Variants in NIT2 observed in about 807,000 individuals in gnomAD.
The protein encoded by NIT2 is omega-amidase NIT2.
A neutral mutation model predicts 42.7 loss-of-function variants in NIT2; 46 were observed. That is an observed-to-expected ratio of 1.08 (90% CI 0.85 to 1.38). The LOEUF (loss-of-function observed/expected upper bound fraction) is 1.38, where lower values mean the gene tolerates loss of function less well. Ranked by LOEUF, NIT2 falls within the 40% of genes most tolerant of loss-of-function variation. The pLI, the probability that NIT2 is intolerant of heterozygous loss-of-function variation, is 0.00. For synonymous variants in NIT2, 123 were observed against 121.9 expected (o/e 1.01, Z -0.06); for missense variants, 309 against 342.5 (o/e 0.90, Z 0.77).
intron 4 of NIT2, among the ~76,000 whole-genome samples, chr3:100,342,121 C>T (rs1706163038): frequency 1.3e-5 from 2 of 151,924 alleles, no homozygotes; most frequent in African/African-American, 4.8e-5. Context: ...TGAAATATCT[C>T]TTTTTTTTCT....
At chr3:100,335,802 A>T (rs277629) in intron 1 of NIT2, among the ~76,000 whole-genome samples, 22,023 of 152,174 alleles carry the variant, frequency 0.14, 2,941 homozygotes, top group East Asian at 0.5. Context: ...TCACGAGTCA[A>T]GAGTTGGAGA....
Position 100,339,174 on chromosome 3 carries a change from C to T in NIT2, c.95C>T (p.Ala32Val), listed in dbSNP as rs377458095. Reference protein sequence around the residue: ...TRACSFIREAATQGAKIVSLP... With the variant: ...TRACSFIREAVTQGAKIVSLP... ...GCTTGTAGCTTCATCCGGGAGGCAG[C>T]AACGCAAGGAGCCAAAATAGTTTCT... The change falls in exon 2 of 10, where the codon GCA (alanine) becomes GTA (valine). Residue 32 changes from alanine to valine, a missense_variant. Transcript: ENST00000394140. 3 of 1,613,564 alleles carry T rather than the reference C, an allele frequency of 1.9e-6. No individual in the cohort carries two copies. The highest frequency in any genetic ancestry group is 2.7e-5 in the African/African-American group (2 of 74,898).
At position 100,359,482 on chromosome 3, in the gene NIT2, C is replaced by T. The variant is rs191783847; in HGVS notation, c.*4214C>T. The T allele has an allele frequency of 1.3e-5, 2 of 152,288 alleles. No individual in the cohort carries two copies. The highest frequency in any genetic ancestry group is 6.5e-5 in the Admixed American group (1 of 15,288). 9.4% of individuals were successfully genotyped at this position (152,288 alleles called of 1,614,324 possible). On this transcript the variant is annotated 3_prime_UTR_variant, in exon 10 of 10. Transcript: ENST00000394140. ...TTTCTTTCAATTGCTTTTCAGACCCCGGCAGGCAGATTCTGCCCTCATCTG... is the reference window on the plus strand; with the variant it reads ...TTTCTTTCAATTGCTTTTCAGACCCTGGCAGGCAGATTCTGCCCTCATCTG...
At position 100,346,175 on chromosome 3, in the gene NIT2, A is replaced by C; in HGVS notation, c.431-6A>C. 6.2e-7 allele frequency: 1 copy of C among 1,613,826 alleles called. No individual in the cohort carries two copies. The highest frequency in any genetic ancestry group is 8.5e-7 in the Non-Finnish European group (1 of 1,179,772). On this transcript the variant is annotated splice_polypyrimidine_tract_variant and splice_region_variant and intron_variant, in intron 5 of 9. Transcript: ENST00000394140. ...TTTCATTTGTGCATTTTCTGTTTGGAAACAGCTTACTGCAGAGTGGGTCTG... is the reference window on the plus strand; with the variant it reads ...TTTCATTTGTGCATTTTCTGTTTGGCAACAGCTTACTGCAGAGTGGGTCTG...
Position 100,360,051 on chromosome 3 carries a change from G to A in NIT2, c.*4783G>A, listed in dbSNP as rs186542033. Reference sequence around the variant, plus strand: ...CAGCCCACCAAAACTCAGTTTTTGAGCTCCTCTATGTTCATCTTTTTATGG... The same window carrying A: ...CAGCCCACCAAAACTCAGTTTTTGAACTCCTCTATGTTCATCTTTTTATGG... On this transcript the variant is annotated 3_prime_UTR_variant, in exon 10 of 10. Transcript: ENST00000394140. The A allele has an allele frequency of 6.6e-6, 1 of 152,130 alleles. No homozygotes were observed. The highest frequency in any genetic ancestry group is 6.6e-5 in the Admixed American group (1 of 15,256). The allele number at this position is 152,130 out of a possible 1,614,324, so 9.4% of individuals were successfully genotyped here.
chr3:100,335,549 C>T (rs1395961952), intron 1 of NIT2, among the ~76,000 whole-genome samples: 1 of 152,192 alleles, frequency 6.6e-6, no homozygotes, highest in Non-Finnish European at 1.5e-5. Flanking sequence ...AGGAACTGCC[C>T]AGTGGCGGGG....
rs1301241180 is a variant in NIT2, at chr3:100,345,685, A to AC, written c.430+9dup. 6.3e-7 allele frequency: 1 copy of AC among 1,580,260 alleles called. No individual in the cohort carries two copies. The highest frequency in any genetic ancestry group is 1.7e-5 in the Admixed American group (1 of 59,816). ...TTCTCCACATTTGATACTCGTATGT[A>AC]CCAGATAAGTTTGCCTCTTTAGCAA... On this transcript the variant is annotated splice_region_variant and intron_variant, in intron 5 of 9. Transcript: ENST00000394140.
At chr3:100,342,364 A>G (rs1706166183) in intron 4 of NIT2, among the ~76,000 whole-genome samples, 1 of 152,130 alleles carries the variant, frequency 6.6e-6, no homozygotes, top group African/African-American at 2.4e-5. Flanking sequence ...GTCCATTTAT[A>G]TTTAATGCAC....
At chr3:100,335,636 G>A (rs577291819) in intron 1 of NIT2, among the ~76,000 whole-genome samples, 14 of 152,326 alleles carry the variant, frequency 9.2e-5, no homozygotes, top group African/African-American at 2.6e-4. Flanking sequence ...TGAGGACCCC[G>A]CCCTTGTGGG....
intron 4 of NIT2, among the ~76,000 whole-genome samples, chr3:100,344,901 C>T (rs1166337856): frequency 2.0e-5 from 3 of 151,742 alleles, no homozygotes; most frequent in South Asian, 4.2e-4. Flanking sequence ...AAATGCCCAC[C>T]TACTTTCCAC....
intron 7 of NIT2, among the ~76,000 whole-genome samples, chr3:100,350,465 C>T (rs1416685396): frequency 6.6e-6 from 1 of 152,182 alleles, no homozygotes. Flanking sequence ...CCATTCTCTC[C>T]GGCCACCTTG....
intron 4 of NIT2, 67 bp downstream of exon 4, chr3:100,341,228 T>G (rs1706146996): frequency 1.7e-6 from 2 of 1,206,316 alleles, no homozygotes; most frequent in African/African-American, 3.0e-5. Flanking sequence ...GAAAAAAAAT[T>G]TGCTATGAAG....
intron 4 of NIT2, among the ~76,000 whole-genome samples, chr3:100,344,959 CTT>C (rs35616909): frequency 1.6e-4 from 22 of 136,638 alleles, no homozygotes; most frequent in Admixed American, 1.5e-4. Context: ...TTTTTTTTTT[CTT>C]TTTTTTTTTG....
intron 1 of NIT2, among the ~76,000 whole-genome samples, chr3:100,336,316 C>G (rs1320497508): frequency 6.6e-6 from 1 of 152,112 alleles, no homozygotes; most frequent in African/African-American, 2.4e-5. Flanking sequence ...TCGGGCAGGC[C>G]ATTACTAATT....
At chr3:100,351,300 T>C (rs887664953) in intron 7 of NIT2, among the ~76,000 whole-genome samples, 27 of 152,232 alleles carry the variant, frequency 1.8e-4, no homozygotes, top group Middle Eastern at 3.4e-3. Flanking sequence ...CATCGCCAAG[T>C]CAATCCTAAG....
At chr3:100,346,309 C>T (rs978362680) in intron 6 of NIT2, 54 bp downstream of exon 6, 2 of 1,515,876 alleles carry the variant, frequency 1.3e-6, no homozygotes, top group East Asian at 2.3e-5. Context: ...TGGTTCTAGG[C>T]TGGTCTATGT....
rs943506476 is a variant in NIT2, at chr3:100,357,675, T to C, written c.*2407T>C. On this transcript the variant is annotated 3_prime_UTR_variant, in exon 10 of 10. Coordinates refer to ENST00000394140, the MANE Select transcript of NIT2 (RefSeq NM_020202.5). ...TTTTTTTTTTGAGACAGAGTCACGCTGTCGCCCAAGCTGGAGTGCAGTGGC... is the reference window on the plus strand; with the variant it reads ...TTTTTTTTTTGAGACAGAGTCACGCCGTCGCCCAAGCTGGAGTGCAGTGGC... The C allele has an allele frequency of 6.7e-6, 1 of 148,614 alleles. No homozygotes were observed. Among genetic ancestry groups the C allele is most frequent in the African/African-American group, 2.5e-5 (1 of 39,860 alleles). The allele number at this position is 148,614 out of a possible 1,614,324, so 9.2% of individuals were successfully genotyped here. A position where few individuals can be genotyped will look rare whatever the true frequency, so the allele number is the denominator to read the frequency against.
At position 100,359,498 on chromosome 3, in the gene NIT2, C is replaced by T. The variant is rs369681884; in HGVS notation, c.*4230C>T. 6.6e-6 allele frequency: 1 copy of T among 152,182 alleles called. No homozygotes were observed. Among genetic ancestry groups the T allele is most frequent in the African/African-American group, 2.4e-5 (1 of 41,436 alleles). 9.4% of individuals were successfully genotyped at this position (152,182 alleles called of 1,614,324 possible). A position where few individuals can be genotyped will look rare whatever the true frequency, so the allele number is the denominator to read the frequency against. Reference sequence around the variant, plus strand: ...TTCAGACCCCGGCAGGCAGATTCTGCCCTCATCTGTCCAGTGACACTCTTC... The same window carrying T: ...TTCAGACCCCGGCAGGCAGATTCTGTCCTCATCTGTCCAGTGACACTCTTC... On this transcript the variant is annotated 3_prime_UTR_variant, in exon 10 of 10. Transcript: ENST00000394140.
intron 4 of NIT2, among the ~76,000 whole-genome samples, chr3:100,342,976 T>C (rs187446428): frequency 1.3e-5 from 2 of 152,216 alleles, no homozygotes; most frequent in East Asian, 3.9e-4. Flanking sequence ...TTTTCATTCT[T>C]GAAAGATATT....
Sources: allele counts gnomAD v4.1 joint callset (sites outside exome capture counted in the v4.1 genomes callset), GRCh38; gene constraint gnomAD v4.1.1; transcripts MANE v1.5; gene names NCBI Gene and HGNC (gene_info 2026-07-23, HGNC 2026-07-21).